The following GNG2 variants were observed in gnomAD, a reference collection of about 807,000 sequenced individuals.
The protein encoded by GNG2 is guanine nucleotide-binding protein G(I)/G(S)/G(O) subunit gamma-2.
In GNG2, 5 loss-of-function variants were observed where a neutral mutation model predicts 5.5. The observed-to-expected ratio is 0.91, with a 90% CI of 0.48 to 1.92. The LOEUF is 1.92. Among genes scored for constraint, GNG2 ranks in the 30% most tolerant of loss-of-function variants. GNG2 has a pLI of 0.01. For synonymous variants in GNG2, 28 were observed against 32.0 expected (o/e 0.88, Z 0.42); for missense variants, 55 against 88.4 (o/e 0.62, Z 1.52).
chr14:51,954,298 A>T (rs1422525929), intron 3 of GNG2, among the ~76,000 whole-genome samples: 1 of 152,154 alleles, frequency 6.6e-6, no homozygotes, highest in Non-Finnish European at 1.5e-5. Context: ...GAGGGTAAAG[A>T]GAAATAAAAG....
rs925045235 is a variant in GNG2, at chr14:51,929,161, T to C, written c.-29-21489T>C. ...AAGTATTAATTAGACCTCTGTAAAATGAATCAGACTCATTTGCTTAATCAG... is the reference window on the plus strand; with the variant it reads ...AAGTATTAATTAGACCTCTGTAAAACGAATCAGACTCATTTGCTTAATCAG... On this transcript the variant is annotated intron_variant, in intron 2 of 3. Coordinates refer to ENST00000556766, the MANE Select transcript of GNG2 (RefSeq NM_053064.5). Among the ~76,000 whole-genome samples the C allele has an allele frequency of 2.6e-5, 4 of 152,176 alleles. No homozygotes were observed. The South Asian group carries it at 8.3e-4, about 32-fold the overall frequency.
At chr14:51,922,915 T>C (rs1887099849) in intron 2 of GNG2, among the ~76,000 whole-genome samples, 1 of 152,144 alleles carries the variant, frequency 6.6e-6, no homozygotes, top group African/African-American at 2.4e-5. Flanking sequence ...GAAAGCCTTG[T>C]GTATAATGCC....
chr14:51,932,127 G>A (rs1228965833), intron 2 of GNG2, among the ~76,000 whole-genome samples: 2 of 151,472 alleles, frequency 1.3e-5, no homozygotes, highest in Non-Finnish European at 2.9e-5. Flanking sequence ...GGCGCCTATA[G>A]TCCCAGCTAC....
chr14:51,867,939 GC>G (rs1161873556), intron 1 of GNG2, among the ~76,000 whole-genome samples: 2 of 152,062 alleles, frequency 1.3e-5, no homozygotes, highest in Non-Finnish European at 2.9e-5. Context: ...TTTGAGGACA[GC>G]GGTCACATCT....
chr14:51,948,176 G>T (rs747018870), intron 2 of GNG2, among the ~76,000 whole-genome samples: 3 of 152,220 alleles, frequency 2.0e-5, no homozygotes, highest in African/African-American at 4.8e-5. Flanking sequence ...ATACCTAGCT[G>T]CAAGAGAGGC....
chr14:51,928,370 T>C (rs1594926648), intron 2 of GNG2, among the ~76,000 whole-genome samples: 1 of 152,126 alleles, frequency 6.6e-6, no homozygotes, highest in African/African-American at 2.4e-5. Flanking sequence ...ATTAAGGTGA[T>C]ATATTTTCTT....
intron 2 of GNG2, among the ~76,000 whole-genome samples, chr14:51,911,178 A>G (rs1007579833): frequency 2.0e-5 from 3 of 152,210 alleles, no homozygotes; most frequent in Non-Finnish European, 2.9e-5. Flanking sequence ...ATGTGCAGCA[A>G]TGCAAAACAA....
At chr14:51,929,097 G>C (rs1328554412) in intron 2 of GNG2, among the ~76,000 whole-genome samples, 1 of 152,172 alleles carries the variant, frequency 6.6e-6, no homozygotes, top group African/African-American at 2.4e-5. Flanking sequence ...GGGTTTGTAG[G>C]ACCAAATCCT....
intron 2 of GNG2, among the ~76,000 whole-genome samples, chr14:51,843,324 C>T (rs1881534978): frequency 6.6e-6 from 1 of 152,182 alleles, no homozygotes; most frequent in Admixed American, 6.5e-5. Context: ...TCCTCACAGA[C>T]ATACCCAGAC....
At chr14:51,917,411 T>C (rs1886713273) in intron 2 of GNG2, 4 of 455,978 alleles carry the variant, frequency 8.8e-6, no homozygotes, top group Non-Finnish European at 1.8e-5. Context: ...GCCTTCATAC[T>C]GCAATCGCCT....
chr14:51,880,864 T>C (rs1367219151), intron 2 of GNG2, among the ~76,000 whole-genome samples: 1 of 148,260 alleles, frequency 6.7e-6, no homozygotes, highest in South Asian at 2.1e-4. Context: ...AATGACCATA[T>C]CCCATAATAT....
chr14:51,951,874 T>A (rs1467058437), intron 3 of GNG2: 1 of 702,024 alleles, frequency 1.4e-6, no homozygotes, highest in Non-Finnish European at 2.6e-6. Context: ...ATTTATTCTC[T>A]GGTGTTTCAC....
intron 2 of GNG2, among the ~76,000 whole-genome samples, chr14:51,883,939 A>T (rs955294047): frequency 6.6e-6 from 1 of 152,146 alleles, no homozygotes; most frequent in East Asian, 1.9e-4. Flanking sequence ...TGCAGAAAAA[A>T]ACAATATATG....
intron 2 of GNG2, among the ~76,000 whole-genome samples, chr14:51,950,102 G>C (rs1394761393): frequency 6.6e-6 from 1 of 152,156 alleles, no homozygotes; most frequent in Non-Finnish European, 1.5e-5. Flanking sequence ...TAATAAGTTT[G>C]TTGTACTTCA....
chr14:51,946,442 G>A (rs1415944788), intron 2 of GNG2, among the ~76,000 whole-genome samples: 2 of 152,024 alleles, frequency 1.3e-5, no homozygotes, highest in Admixed American at 6.6e-5. Context: ...TCTACATTGC[G>A]GTCAGTTTAA....
intron 2 of GNG2, among the ~76,000 whole-genome samples, chr14:51,839,925 A>T (rs1351237329): frequency 6.6e-6 from 1 of 152,192 alleles, no homozygotes; most frequent in Non-Finnish European, 1.5e-5. Context: ...CTAGGGGTAG[A>T]TCTCCAACAG....
chr14:51,873,877 A>G (rs1334411260), intron 1 of GNG2: 1 of 152,188 alleles, frequency 6.6e-6, no homozygotes, highest in East Asian at 1.9e-4. Context: ...TGTTTTATGG[A>G]CTAGGTACGA....
At chr14:51,828,622 C>G (rs567074779) in intron 2 of GNG2, among the ~76,000 whole-genome samples, 100 of 152,248 alleles carry the variant, frequency 6.6e-4, no homozygotes, top group African/African-American at 2.2e-3. Flanking sequence ...GGAATGCATT[C>G]TACCCAGGTA....
chr14:51,942,595 T>TCTTTCTTTC (rs1413000965), intron 2 of GNG2, among the ~76,000 whole-genome samples: 34 of 125,364 alleles, frequency 2.7e-4, no homozygotes, highest in East Asian at 6.4e-4. Context: ...CTTTCTTTTT[T>TCTTTCTTTC]TTTTTTTTTT....
Sources: allele counts gnomAD v4.1 joint callset (sites outside exome capture counted in the v4.1 genomes callset), GRCh38; gene constraint gnomAD v4.1.1; transcripts MANE v1.5; gene names NCBI Gene and HGNC (gene_info 2026-07-23, HGNC 2026-07-21).